Variants in SIK3 observed in about 807,000 individuals in gnomAD.
SIK3 encodes serine/threonine-protein kinase SIK3.
Under a neutral mutation model 144.2 loss-of-function variants are expected in SIK3, and 28 were observed. That is an observed-to-expected ratio of 0.19 (90% CI 0.14 to 0.27). The LOEUF is 0.27. SIK3 is among the 10% of genes least tolerant of loss of function. The probability of loss-of-function intolerance (pLI) is 1.00; values close to 1 mark genes in which losing one functional copy is unlikely to be tolerated. For missense variants in SIK3, 1,319 were observed against 1,776.0 expected (o/e 0.74, Z 4.62); for synonymous variants, 686 against 676.3 (o/e 1.01, Z -0.22).
At chr11:117,049,257 A>C (rs1953113970) in intron 1 of SIK3, among the ~76,000 whole-genome samples, 7 of 152,176 alleles carry the variant, frequency 4.6e-5, no homozygotes, top group Admixed American at 4.6e-4. Context: ...TAGGGGATAA[A>C]TTCTAGGGAG....
At chr11:116,905,458 G>A (rs897518364) in intron 4 of SIK3, among the ~76,000 whole-genome samples, 5 of 152,066 alleles carry the variant, frequency 3.3e-5, no homozygotes, top group Admixed American at 6.6e-5. Flanking sequence ...CATTTCTCTT[G>A]GATATATACC....
chr11:117,066,468 T>TA (rs1184079095), intron 1 of SIK3, among the ~76,000 whole-genome samples: 3 of 150,592 alleles, frequency 2.0e-5, no homozygotes, highest in South Asian at 2.1e-4. Flanking sequence ...AAAGCATTTA[T>TA]ATAACACAGG....
intron 1 of SIK3, among the ~76,000 whole-genome samples, chr11:117,034,051 T>G (rs940271734): frequency 6.6e-6 from 1 of 152,080 alleles, no homozygotes; most frequent in Non-Finnish European, 1.5e-5. Flanking sequence ...CTGCCATGTA[T>G]CATTCTGGGG....
At chr11:117,067,683 T>C (rs1954079887) in intron 1 of SIK3, among the ~76,000 whole-genome samples, 1 of 152,116 alleles carries the variant, frequency 6.6e-6, no homozygotes, top group Non-Finnish European at 1.5e-5. Flanking sequence ...CTCAATAAAG[T>C]TGATTAAAAA....
chr11:117,010,429 T>C (rs1041113809), intron 1 of SIK3, among the ~76,000 whole-genome samples: 6 of 152,132 alleles, frequency 3.9e-5, no homozygotes, highest in Non-Finnish European at 7.4e-5. Context: ...AGGACTAGGA[T>C]GCTGTGTTCT....
At chr11:116,880,092 A>T (rs1343454579) in intron 6 of SIK3, among the ~76,000 whole-genome samples, 1 of 152,206 alleles carries the variant, frequency 6.6e-6, no homozygotes, top group Non-Finnish European at 1.5e-5. Flanking sequence ...GTGTTCAGTT[A>T]CAGGCTTGCT....
At chr11:116,878,206 T>G (rs1380849339) in intron 6 of SIK3, among the ~76,000 whole-genome samples, 1 of 152,204 alleles carries the variant, frequency 6.6e-6, no homozygotes, top group Non-Finnish European at 1.5e-5. Context: ...CCGGTCTTTC[T>G]GCTTCCATTC....
intron 1 of SIK3, among the ~76,000 whole-genome samples, chr11:117,080,482 C>T (rs1226660112): frequency 6.6e-6 from 1 of 151,966 alleles, no homozygotes; most frequent in Non-Finnish European, 1.5e-5. Flanking sequence ...ACTTTTGAGA[C>T]GTTGACTCTA....
chr11:116,925,355 C>T (rs771387252), intron 4 of SIK3, among the ~76,000 whole-genome samples: 4 of 152,134 alleles, frequency 2.6e-5, no homozygotes, highest in South Asian at 4.2e-4. Flanking sequence ...GCAGGAGGGT[C>T]GGAATTAGGA....
At chr11:116,848,300 T>C (rs969807515) in intron 22 of SIK3, among the ~76,000 whole-genome samples, 1 of 152,108 alleles carries the variant, frequency 6.6e-6, no homozygotes. Flanking sequence ...TGAGCCGAGA[T>C]TGCGCCACTG....
intron 22 of SIK3, 102 bp from the exon 23 acceptor site, chr11:116,847,710 G>A: frequency 6.7e-7 from 1 of 1,500,994 alleles, no homozygotes. Flanking sequence ...GCAAAAGACA[G>A]CCCGGGGCCC....
At chr11:117,039,228 C>G (rs948988989) in intron 1 of SIK3, among the ~76,000 whole-genome samples, 3 of 152,052 alleles carry the variant, frequency 2.0e-5, no homozygotes, top group African/African-American at 4.8e-5. Flanking sequence ...AAAAAGATAC[C>G]TATTGTCTTC....
intron 1 of SIK3, among the ~76,000 whole-genome samples, chr11:117,054,689 T>C (rs1448165305): frequency 6.6e-6 from 1 of 152,056 alleles, no homozygotes; most frequent in Non-Finnish European, 1.5e-5. Flanking sequence ...TCCCAGCACT[T>C]TGGCAGAGGT....
intron 3 of SIK3, among the ~76,000 whole-genome samples, chr11:116,932,866 G>A (rs757468263): frequency 4.7e-4 from 71 of 152,074 alleles, no homozygotes; most frequent in Admixed American, 1.0e-3. Flanking sequence ...GCAAGATCAC[G>A]GCTCACTGCA....
intron 1 of SIK3, among the ~76,000 whole-genome samples, chr11:116,973,347 C>T (rs1457273985): frequency 6.6e-6 from 1 of 152,180 alleles, no homozygotes; most frequent in East Asian, 1.9e-4. Context: ...ATTTATAGTA[C>T]AGAACTGTAG....
intron 1 of SIK3, among the ~76,000 whole-genome samples, chr11:117,055,378 T>C (rs1291082244): frequency 2.0e-5 from 3 of 152,210 alleles, no homozygotes; most frequent in Non-Finnish European, 2.9e-5. Context: ...CTCCACACAA[T>C]CCTGAGATAG....
rs574649241 is a variant in SIK3 at position 117,065,307 on chromosome 11, G to C, written c.273+32836C>G. 7.1e-4 allele frequency among the ~76,000 whole-genome samples: 108 copies of C among 151,972 alleles called. 1 individual carries two copies. Among genetic ancestry groups the C allele is most frequent in the African/African-American group, 2.4e-3 (101 of 41,492 alleles). On this transcript the variant is annotated intron_variant, in intron 1 of 24. Transcript: ENST00000445177. ...TTTAAAAAATGAAAGAACAAGTGAA[G>C]ACTGGATATTAAATTTTAATTATAA...
At chr11:116,991,557 T>G (rs1950501969) in intron 1 of SIK3, among the ~76,000 whole-genome samples, 1 of 152,250 alleles carries the variant, frequency 6.6e-6, no homozygotes, top group African/African-American at 2.4e-5. Flanking sequence ...AAATTCATTA[T>G]TTAACATATA....
intron 1 of SIK3, among the ~76,000 whole-genome samples, chr11:117,034,793 T>C (rs995185407): frequency 6.6e-6 from 1 of 152,232 alleles, no homozygotes; most frequent in African/African-American, 2.4e-5. Context: ...TTTGTGAATC[T>C]GTTCGCTACC....
Sources: allele counts gnomAD v4.1 joint callset (sites outside exome capture counted in the v4.1 genomes callset), GRCh38; gene constraint gnomAD v4.1.1; transcripts MANE v1.5; gene names NCBI Gene and HGNC (gene_info 2026-07-23, HGNC 2026-07-21).